The following CDH12 variants were observed in gnomAD, a reference collection of about 807,000 sequenced individuals.
CDH12 encodes the protein cadherin 12.
In CDH12, 41 loss-of-function variants were observed where a neutral mutation model predicts 74.1. The ratio of observed to expected loss-of-function variants is 0.55; its 90% confidence interval spans 0.43 to 0.72. CDH12 has a LOEUF of 0.72. CDH12 is among the 30% of genes least tolerant of loss of function. The probability of loss-of-function intolerance (pLI) is 0.00; values close to 1 mark genes in which losing one functional copy is unlikely to be tolerated. For synonymous variants in CDH12, 399 were observed against 355.0 expected (o/e 1.12, Z -1.39); for missense variants, 945 against 977.2 (o/e 0.97, Z 0.44).
intron 4 of CDH12, among the ~76,000 whole-genome samples, chr5:22,094,936 G>A (rs1326338179): frequency 6.6e-6 from 1 of 151,998 alleles, no homozygotes; most frequent in African/African-American, 2.4e-5. Flanking sequence ...CTTATAAAAC[G>A]GGCCCACCCC....
chr5:22,399,852 C>T (rs1230013189), intron 3 of CDH12, among the ~76,000 whole-genome samples: 1 of 151,616 alleles, frequency 6.6e-6, no homozygotes, highest in Non-Finnish European at 1.5e-5. Context: ...AATTTTTCTA[C>T]CTACTTGTAT....
intron 12 of CDH12, among the ~76,000 whole-genome samples, chr5:21,762,126 A>T (rs10044840): frequency 0.078 from 11,826 of 152,160 alleles, 813 homozygotes; most frequent in African/African-American, 0.19. Flanking sequence ...TTGCTTTGTT[A>T]TCCTTCTGTT....
At chr5:21,966,969 C>A (rs556009707) in intron 6 of CDH12, among the ~76,000 whole-genome samples, 4 of 152,242 alleles carry the variant, frequency 2.6e-5, no homozygotes, top group Non-Finnish European at 5.9e-5. Context: ...ACATACTAGT[C>A]CTGCCATTTG....
chr5:21,813,068 C>G (rs940274982), intron 9 of CDH12, among the ~76,000 whole-genome samples: 2 of 152,174 alleles, frequency 1.3e-5, no homozygotes, highest in African/African-American at 4.8e-5. Flanking sequence ...TGTACCATCA[C>G]GTTCCACATT....
intron 2 of CDH12, among the ~76,000 whole-genome samples, chr5:22,446,636 C>T (rs766068999): frequency 1.3e-5 from 2 of 152,016 alleles, no homozygotes; most frequent in Non-Finnish European, 1.5e-5. Context: ...TCAAATATTG[C>T]ACCTGGAATG....
chr5:22,261,892 C>A (rs1753528508), intron 3 of CDH12, among the ~76,000 whole-genome samples: 1 of 151,384 alleles, frequency 6.6e-6, no homozygotes. Context: ...CCTCAAACAA[C>A]AAACCCAATC....
intron 13 of CDH12, among the ~76,000 whole-genome samples, chr5:21,759,734 A>T (rs1744609799): frequency 6.6e-6 from 1 of 151,988 alleles, no homozygotes; most frequent in Non-Finnish European, 1.5e-5. Flanking sequence ...TGTGTTACAT[A>T]GGTAAACACG....
chr5:22,003,488 AAG>A, intron 5 of CDH12, among the ~76,000 whole-genome samples: 1 of 152,344 alleles, frequency 6.6e-6, no homozygotes, highest in South Asian at 2.1e-4. Context: ...AAGAAAGCCA[AAG>A]AGACAATTTC....
chr5:21,975,838 T>A (rs1466027906), intron 5 of CDH12, among the ~76,000 whole-genome samples: 1 of 152,150 alleles, frequency 6.6e-6, no homozygotes, highest in Non-Finnish European at 1.5e-5. Context: ...GATAACATTT[T>A]CATAAAATGA....
chr5:22,147,048 T>G (rs1360821388), intron 4 of CDH12, among the ~76,000 whole-genome samples: 1 of 152,216 alleles, frequency 6.6e-6, no homozygotes, highest in Non-Finnish European at 1.5e-5. Context: ...AAGTATGTTC[T>G]TATGGAAATT....
intron 6 of CDH12, chr5:21,882,894 G>T (rs565751587): frequency 4.6e-4 from 731 of 1,604,066 alleles, no homozygotes; most frequent in Admixed American, 6.5e-4. Context: ...TCAAGATGTT[G>T]CCAATAACAC....
At chr5:22,715,704 G>A (rs1175340405) in intron 1 of CDH12, among the ~76,000 whole-genome samples, 1 of 151,620 alleles carries the variant, frequency 6.6e-6, no homozygotes, top group Non-Finnish European at 1.5e-5. Context: ...AGGAGGCTGA[G>A]GCAGGAGAAT....
chr5:21,845,011 A>G (rs62348749), intron 7 of CDH12, among the ~76,000 whole-genome samples: 1 of 137,188 alleles, frequency 7.3e-6, no homozygotes, highest in Admixed American at 7.1e-5. Flanking sequence ...AGATAGATAG[A>G]TAGATAGATA....
At chr5:21,791,777 C>T (rs543832071) in intron 10 of CDH12, among the ~76,000 whole-genome samples, 15 of 151,644 alleles carry the variant, frequency 9.9e-5, no homozygotes, top group African/African-American at 3.6e-4. Flanking sequence ...GGTTTTATTC[C>T]TATACTGTAA....
At chr5:22,569,841 G>A (rs572575556) in intron 1 of CDH12, among the ~76,000 whole-genome samples, 34 of 152,052 alleles carry the variant, frequency 2.2e-4, no homozygotes, top group Admixed American at 3.9e-4. Flanking sequence ...CTAAGTCATC[G>A]AGAAGGGTTG....
chr5:22,666,280 A>ATTTTTTTTT (rs1740609513), intron 1 of CDH12, among the ~76,000 whole-genome samples: 13 of 115,080 alleles, frequency 1.1e-4, no homozygotes, highest in African/African-American at 4.5e-4. Context: ...GTATCTCTCT[A>ATTTTTTTTT]TCTTTTTTTT....
chr5:22,020,350 T>G (rs1344088546), intron 5 of CDH12, among the ~76,000 whole-genome samples: 1 of 151,838 alleles, frequency 6.6e-6, no homozygotes. Flanking sequence ...GGTCAGGAGT[T>G]CAAGACCAGC....
At chr5:21,808,549 T>C (rs1040010363) in intron 9 of CDH12, among the ~76,000 whole-genome samples, 26 of 151,914 alleles carry the variant, frequency 1.7e-4, no homozygotes. Context: ...AGATTCTTTC[T>C]AAGACAAGCA....
At chr5:22,347,276 C>G (rs1740157922) in intron 3 of CDH12, among the ~76,000 whole-genome samples, 1 of 152,146 alleles carries the variant, frequency 6.6e-6, no homozygotes, top group East Asian at 1.9e-4. Context: ...ACCATCTAAT[C>G]AGCTGACAGT....
Sources: allele counts gnomAD v4.1 joint callset (sites outside exome capture counted in the v4.1 genomes callset), GRCh38; gene constraint gnomAD v4.1.1; transcripts MANE v1.5; gene names NCBI Gene and HGNC (gene_info 2026-07-23, HGNC 2026-07-21).